ADGRL3: variants seen among roughly 807,000 people sequenced by gnomAD.
ADGRL3 encodes adhesion G protein-coupled receptor L3.
Under a neutral mutation model 153.5 loss-of-function variants are expected in ADGRL3, and 62 were observed. That is an observed-to-expected ratio of 0.40 (90% CI 0.33 to 0.50). The LOEUF is 0.50. Among genes scored for constraint, ADGRL3 ranks in the 20% least tolerant of loss-of-function variants. ADGRL3 has a pLI of 0.47. For synonymous variants in ADGRL3, 710 were observed against 672.5 expected (o/e 1.06, Z -0.86); for missense variants, 1,641 against 1,859.4 (o/e 0.88, Z 2.16).
intron 25 of ADGRL3, among the ~76,000 whole-genome samples, chr4:62,056,271 A>T (rs1290897736): frequency 2.6e-5 from 4 of 151,806 alleles, no homozygotes; most frequent in African/African-American, 9.7e-5. Flanking sequence ...AGGTGATATA[A>T]ATATAATATA....
intron 1 of ADGRL3, among the ~76,000 whole-genome samples, chr4:61,280,107 CTT>C (rs771732117): frequency 2.1e-5 from 2 of 94,668 alleles, no homozygotes; most frequent in African/African-American, 3.8e-5. Context: ...CTTTTCTTTT[CTT>C]TTTCTTTTTT....
At chr4:62,060,926 A>G (rs1739758695) in intron 25 of ADGRL3, among the ~76,000 whole-genome samples, 1 of 151,972 alleles carries the variant, frequency 6.6e-6, no homozygotes, top group African/African-American at 2.4e-5. Context: ...AAAGTGAAAA[A>G]TTCTGTGACA....
At chr4:61,642,114 G>A (rs1229271621) in intron 5 of ADGRL3, among the ~76,000 whole-genome samples, 2 of 147,818 alleles carry the variant, frequency 1.4e-5, no homozygotes, top group Non-Finnish European at 1.5e-5. Context: ...CATGTCCTTT[G>A]CCCACTTTTT....
chr4:61,360,413 T>C (rs1560517485), intron 1 of ADGRL3, among the ~76,000 whole-genome samples: 2 of 152,150 alleles, frequency 1.3e-5, no homozygotes, highest in African/African-American at 4.8e-5. Context: ...TTTAAGTGTA[T>C]GTCAGACAGC....
chr4:61,641,778 T>C (rs1244988676), intron 5 of ADGRL3, among the ~76,000 whole-genome samples: 1 of 151,170 alleles, frequency 6.6e-6, no homozygotes, highest in Non-Finnish European at 1.5e-5. Flanking sequence ...GCAGCATGAT[T>C]TATAGTCCTT....
intron 8 of ADGRL3, among the ~76,000 whole-genome samples, chr4:61,780,974 T>G (rs746659371): frequency 2.6e-5 from 4 of 152,202 alleles, no homozygotes; most frequent in Non-Finnish European, 4.4e-5. Context: ...TTAAATATTC[T>G]AATATGGTTA....
chr4:62,038,482 A>G (rs1196517362), intron 24 of ADGRL3, among the ~76,000 whole-genome samples: 1 of 152,164 alleles, frequency 6.6e-6, no homozygotes, highest in African/African-American at 2.4e-5. Flanking sequence ...GCACAGTATC[A>G]GCTCAAAGAT....
intron 9 of ADGRL3, among the ~76,000 whole-genome samples, chr4:61,833,419 A>G (rs997703808): frequency 6.6e-6 from 1 of 152,198 alleles, no homozygotes. Flanking sequence ...TACTCAAGTC[A>G]GTCTCCCCGA....
intron 1 of ADGRL3, among the ~76,000 whole-genome samples, chr4:61,234,545 A>G (rs1182745779): frequency 2.0e-5 from 3 of 152,188 alleles, no homozygotes; most frequent in African/African-American, 7.2e-5. Flanking sequence ...AAGAATGGGC[A>G]TAGAATATGG....
intron 19 of ADGRL3, among the ~76,000 whole-genome samples, chr4:61,992,325 T>A (rs553766324): frequency 6.6e-6 from 1 of 152,202 alleles, no homozygotes; most frequent in Non-Finnish European, 1.5e-5. Context: ...GTGAGACTTA[T>A]AGAACTGTGA....
intron 8 of ADGRL3, among the ~76,000 whole-genome samples, chr4:61,787,031 A>G (rs905088844): frequency 7.2e-5 from 11 of 152,178 alleles, no homozygotes; most frequent in Admixed American, 3.3e-4. Flanking sequence ...TTGAAACAAA[A>G]TTAATTAAAA....
chr4:61,622,457 A>G lies in ADGRL3; in HGVS notation c.473+35017A>G, dbSNP rs187255334. ...TCATCATTGCCTCCCATTTTTCCAA[A>G]TATTTTCTTATCAGTTTAGTCTGAT... On this transcript the variant is annotated intron_variant, in intron 5 of 26. Transcript: ENST00000683033. Among the ~76,000 whole-genome samples, 89 of 152,222 alleles carry G rather than the reference A, an allele frequency of 5.8e-4. No homozygotes were observed. In the East Asian group the frequency reaches 8.3e-3, roughly 14 times the overall value.
At chr4:61,347,376 A>G (rs1414889259) in intron 1 of ADGRL3, among the ~76,000 whole-genome samples, 1 of 151,912 alleles carries the variant, frequency 6.6e-6, no homozygotes, top group Non-Finnish European at 1.5e-5. Flanking sequence ...GCCAGCAGGT[A>G]TCATTCGATG....
chr4:61,382,951 A>C (rs1295947170), intron 1 of ADGRL3, among the ~76,000 whole-genome samples, 173 bp from the exon 2 acceptor site: 1 of 151,920 alleles, frequency 6.6e-6, no homozygotes, highest in Non-Finnish European at 1.5e-5. Flanking sequence ...TGTCATCTGC[A>C]TCCTAAATTT....
At chr4:61,887,826 A>G (rs1020021100) in intron 9 of ADGRL3, among the ~76,000 whole-genome samples, 5 of 152,206 alleles carry the variant, frequency 3.3e-5, no homozygotes, top group African/African-American at 1.2e-4. Flanking sequence ...GCTTGGCAAC[A>G]GAGTGAGATT....
Position 61,610,982 on chromosome 4 carries a change from C to A in ADGRL3, c.473+23542C>A, listed in dbSNP as rs112333909. Among the ~76,000 whole-genome samples the A allele has an allele frequency of 3.1e-4, 47 of 152,170 alleles. 2 individuals carry two copies. The highest frequency in any genetic ancestry group is 1.1e-3 in the African/African-American group (46 of 41,538). ...AAAATATTGTCTTTCTTTCCCCACA[C>A]GAGACCATTATGTCAAAATGTTAAT... On this transcript the variant is annotated intron_variant, in intron 5 of 26. Transcript: ENST00000683033.
rs756595801 is a variant in ADGRL3 at position 61,892,890 on chromosome 4, G to A, written c.1715G>A (p.Arg572Gln). 8 of 1,589,860 alleles carry A rather than the reference G, an allele frequency of 5.0e-6. No individual in the cohort carries two copies. Among genetic ancestry groups the A allele is most frequent in the East Asian group, 4.5e-5 (2 of 44,758 alleles). ...GAGAGCTGTGAGGCTGTGGAAGCCC[G>A]AGAAATCATGTGGTTTAAGACTCGT... ...LEESCEAVEA[R>Q]EIMWFKTRQG... Residue 572 changes from arginine (R) to glutamine (Q), a missense_variant, in exon 10 of 27, where the codon CGA (arginine) becomes CAA (glutamine). This residue lies in a region of ADGRL3 where 734 missense variants were observed against 797.0 expected (regional missense o/e 0.92). Transcript: ENST00000683033.
At chr4:62,001,143 T>C (rs1253072747) in intron 21 of ADGRL3, among the ~76,000 whole-genome samples, 18 of 152,080 alleles carry the variant, frequency 1.2e-4, no homozygotes. Context: ...AAAGAACCAG[T>C]GATAGAGAAA....
intron 5 of ADGRL3, among the ~76,000 whole-genome samples, chr4:61,674,058 G>A (rs140161314): frequency 2.0e-4 from 30 of 151,158 alleles, no homozygotes; most frequent in East Asian, 1.7e-3. Flanking sequence ...ACAACAGATC[G>A]TTGCTTTTAT....
Sources: allele counts gnomAD v4.1 joint callset (sites outside exome capture counted in the v4.1 genomes callset), GRCh38; gene constraint gnomAD v4.1.1; regional missense constraint gnomAD v4.1.1; transcripts MANE v1.5; gene names NCBI Gene and HGNC (gene_info 2026-07-23, HGNC 2026-07-21).